FRMD4B: variants seen among roughly 807,000 people sequenced by gnomAD.
The protein encoded by FRMD4B is FERM domain containing 4B, also known as FERM domain-containing protein 4B.
Under a neutral mutation model 141.5 loss-of-function variants are expected in FRMD4B, and 74 were observed. The observed-to-expected ratio is 0.52, with a 90% CI of 0.43 to 0.63. The LOEUF is 0.63. FRMD4B is among the 30% of genes least tolerant of loss of function. The pLI, the probability that FRMD4B is intolerant of heterozygous loss-of-function variation, is 0.00. For synonymous variants in FRMD4B, 506 were observed against 467.9 expected (o/e 1.08, Z -1.05); for missense variants, 1,366 against 1,253.4 (o/e 1.09, Z -1.36).
chr3:69,200,153 A>G (rs1211393348), intron 11 of FRMD4B, among the ~76,000 whole-genome samples: 2 of 152,220 alleles, frequency 1.3e-5, no homozygotes, highest in Non-Finnish European at 2.9e-5. Context: ...ACAGACATGT[A>G]AACCTCATCA....
chr3:69,501,896 CAG>C (rs1034665820), intron 1 of FRMD4B, among the ~76,000 whole-genome samples: 1 of 152,134 alleles, frequency 6.6e-6, no homozygotes, highest in African/African-American at 2.4e-5. Context: ...AACAGACAAA[CAG>C]AGAGCCAAAT....
intron 19 of FRMD4B, among the ~76,000 whole-genome samples, chr3:69,186,904 T>C (rs2092774078): frequency 6.6e-6 from 1 of 152,224 alleles, no homozygotes; most frequent in Non-Finnish European, 1.5e-5. Context: ...TTTTTAAAGA[T>C]TGATCCATAC....
chr3:69,527,220 A>G (rs1643636646), intron 1 of FRMD4B, among the ~76,000 whole-genome samples: 1 of 152,176 alleles, frequency 6.6e-6, no homozygotes, highest in African/African-American at 2.4e-5. Context: ...AAATGCAGGA[A>G]AAAAAGGATT....
chr3:69,228,882 G>C (rs763060816), intron 7 of FRMD4B, among the ~76,000 whole-genome samples: 1 of 151,320 alleles, frequency 6.6e-6, no homozygotes, highest in African/African-American at 2.4e-5. Context: ...TCAGTTTCTT[G>C]GTTTCTAGTT....
chr3:69,330,406 G>A (rs1477491327), intron 1 of FRMD4B, among the ~76,000 whole-genome samples: 1 of 146,126 alleles, frequency 6.8e-6, no homozygotes, highest in African/African-American at 2.6e-5. Flanking sequence ...GAGTGCAATG[G>A]GGTGATCTCG....
intron 1 of FRMD4B, among the ~76,000 whole-genome samples, chr3:69,345,212 C>A (rs1702892140): frequency 6.6e-6 from 1 of 152,256 alleles, no homozygotes; most frequent in Non-Finnish European, 1.5e-5. Context: ...CTCGGAGGGT[C>A]CCATGCCCAC....
chr3:69,272,667 A>G (rs1302417162), intron 5 of FRMD4B, among the ~76,000 whole-genome samples: 1 of 152,212 alleles, frequency 6.6e-6, no homozygotes, highest in Non-Finnish European at 1.5e-5. Flanking sequence ...TTCTGAATGT[A>G]TTTTAGTTCT....
chr3:69,528,248 C>T (rs1293738313), intron 1 of FRMD4B, among the ~76,000 whole-genome samples: 9 of 148,108 alleles, frequency 6.1e-5, no homozygotes, highest in African/African-American at 1.7e-4. Flanking sequence ...CTCCCTGCCT[C>T]CCTCCCTCCC....
At chr3:69,336,321 C>G (rs1702550815) in intron 1 of FRMD4B, among the ~76,000 whole-genome samples, 1 of 152,194 alleles carries the variant, frequency 6.6e-6, no homozygotes, top group Non-Finnish European at 1.5e-5. Flanking sequence ...TCTGTGTGTT[C>G]ACAACCTTCC....
intron 2 of FRMD4B, among the ~76,000 whole-genome samples, chr3:69,398,577 C>T (rs1704508518): frequency 6.6e-6 from 1 of 152,216 alleles, no homozygotes; most frequent in African/African-American, 2.4e-5. Context: ...AAAGCTTATT[C>T]AGCAATGAAA....
At position 69,455,856 on chromosome 3, in the gene FRMD4B, G is replaced by A. The variant is rs911323972; in HGVS notation, c.-128-23095C>T. ...GTGAGTCAAAGAAAACAGACCACAG[G>A]GCTGGCAGCTTGAGACTTCTACTCT... is the stretch of plus-strand genomic sequence containing the variant. On this transcript the variant is annotated intron_variant, in intron 1 of 5. Transcript: ENST00000459638. Among the ~76,000 whole-genome samples, 4 of 152,182 alleles carry A rather than the reference G, an allele frequency of 2.6e-5. No homozygotes were observed. The South Asian group carries it at 8.3e-4, about 32-fold the overall frequency.
At chr3:69,517,257 G>T (rs115442640) in intron 1 of FRMD4B, among the ~76,000 whole-genome samples, 1 of 152,058 alleles carries the variant, frequency 6.6e-6, no homozygotes, top group African/African-American at 2.4e-5. Context: ...CATATTTCTT[G>T]TTTTTTCAAT....
intron 11 of FRMD4B, among the ~76,000 whole-genome samples, chr3:69,202,965 AC>A (rs1475682054): frequency 6.6e-6 from 1 of 152,146 alleles, no homozygotes; most frequent in Non-Finnish European, 1.5e-5. Flanking sequence ...TCTTAAAAAA[AC>A]AAAGTGACAA....
chr3:69,316,420 A>T (rs1023251786), intron 1 of FRMD4B, among the ~76,000 whole-genome samples: 1 of 152,112 alleles, frequency 6.6e-6, no homozygotes, highest in Non-Finnish European at 1.5e-5. Context: ...CAGGAAATTG[A>T]GGTACAGAGT....
chr3:69,380,262 G>A (rs1323391066), intron 1 of FRMD4B, among the ~76,000 whole-genome samples: 1 of 152,104 alleles, frequency 6.6e-6, no homozygotes, highest in African/African-American at 2.4e-5. Flanking sequence ...CCCCACACAC[G>A]CTGCTGTGGG....
chr3:69,189,570 C>T (rs745754325), intron 18 of FRMD4B, among the ~76,000 whole-genome samples: 25 of 152,068 alleles, frequency 1.6e-4, no homozygotes, highest in African/African-American at 4.8e-4. Context: ...TACAACTCTC[C>T]GTAAATCTAT....
chr3:69,528,498 G>A (rs532857794), intron 1 of FRMD4B, among the ~76,000 whole-genome samples: 1 of 152,168 alleles, frequency 6.6e-6, no homozygotes, highest in South Asian at 2.1e-4. Flanking sequence ...CTGAGTAGCT[G>A]CGACTACAGG....
intron 5 of FRMD4B, among the ~76,000 whole-genome samples, chr3:69,274,435 A>G (rs1274788487): frequency 6.6e-6 from 1 of 152,192 alleles, no homozygotes; most frequent in Non-Finnish European, 1.5e-5. Flanking sequence ...GATGTTAAGC[A>G]GGGGAGATGG....
chr3:69,455,480 T>A (rs563745870), intron 1 of FRMD4B, among the ~76,000 whole-genome samples: 1 of 152,084 alleles, frequency 6.6e-6, no homozygotes, highest in Admixed American at 6.6e-5. Context: ...TTGAGAGCTG[T>A]AAGGCTCACC....
Sources: allele counts gnomAD v4.1 joint callset (sites outside exome capture counted in the v4.1 genomes callset), GRCh38; gene constraint gnomAD v4.1.1; transcripts MANE v1.5; gene names NCBI Gene and HGNC (gene_info 2026-07-23, HGNC 2026-07-21).